Variants in OR2L13 observed in about 807,000 individuals in gnomAD.
OR2L13 encodes olfactory receptor family 2 subfamily L member 13.
Under a neutral mutation model 15.3 loss-of-function variants are expected in OR2L13, and 14 were observed. The ratio of observed to expected loss-of-function variants is 0.91; its 90% CI spans 0.60 to 1.43. OR2L13 has a LOEUF of 1.43. Among genes scored for constraint, OR2L13 ranks in the 40% most tolerant of loss-of-function variants. The pLI, the probability that OR2L13 is intolerant of heterozygous loss-of-function variation, is 0.00. For missense variants in OR2L13, 367 were observed against 387.9 expected (o/e 0.95, Z 0.45); for synonymous variants, 152 against 142.9 (o/e 1.06, Z -0.45).
chr1:247,975,683 C>A, the OR2L13 span: 2 of 889,538 alleles, frequency 2.2e-6, no homozygotes, highest in Non-Finnish European at 3.6e-6. Context: ...CCTTAGAGTC[C>A]AAGCACTAGC....
the OR2L13 span, among the ~76,000 whole-genome samples, chr1:248,087,219 A>G: frequency 6.6e-6 from 1 of 152,160 alleles, no homozygotes; most frequent in Non-Finnish European, 1.5e-5. Flanking sequence ...AAATCTTCTA[A>G]TACAAATTCA....
the OR2L13 span, chr1:248,022,022 C>T: frequency 6.2e-7 from 1 of 1,613,928 alleles, no homozygotes; most frequent in Admixed American, 1.7e-5. Context: ...TTGGCCTTTT[C>T]CTCTTCATTC....
the OR2L13 span, among the ~76,000 whole-genome samples, chr1:248,027,180 A>G: frequency 6.6e-6 from 1 of 152,200 alleles, no homozygotes; most frequent in Admixed American, 6.5e-5. Context: ...ACAGTCATAG[A>G]TAAGGGACGA....
the OR2L13 span, among the ~76,000 whole-genome samples, chr1:248,081,431 G>A: frequency 1.3e-5 from 2 of 151,968 alleles, no homozygotes; most frequent in African/African-American, 4.8e-5. Flanking sequence ...TGTATATTAG[G>A]CTTAATTTTC....
At chr1:248,082,508 GA>G in the OR2L13 span, among the ~76,000 whole-genome samples, 7 of 151,528 alleles carry the variant, frequency 4.6e-5, no homozygotes, top group Non-Finnish European at 8.8e-5. Flanking sequence ...TAAAAAAAAA[GA>G]AAAAAACATA....
chr1:248,094,691 C>T (rs931880513), upstream of OR2L13, among the ~76,000 whole-genome samples: 7 of 152,146 alleles, frequency 4.6e-5, no homozygotes, highest in African/African-American at 9.7e-5. Context: ...TCTACCCCCA[C>T]CTAACAAGTA....
the OR2L13 span, among the ~76,000 whole-genome samples, chr1:248,008,331 C>G: frequency 6.6e-6 from 1 of 152,072 alleles, no homozygotes; most frequent in South Asian, 2.1e-4. Context: ...CATTCTTTGT[C>G]TAAAAGTATA....
the OR2L13 span, among the ~76,000 whole-genome samples, chr1:248,050,061 C>G: frequency 6.6e-6 from 1 of 152,072 alleles, no homozygotes; most frequent in Non-Finnish European, 1.5e-5. Context: ...CGGAACGAAT[C>G]CTGTGACGTT....
At chr1:248,073,510 A>T in the OR2L13 span, among the ~76,000 whole-genome samples, 1 of 152,076 alleles carries the variant, frequency 6.6e-6, no homozygotes, top group Non-Finnish European at 1.5e-5. Context: ...TAGCATTAGG[A>T]GATATACCTA....
the OR2L13 span, among the ~76,000 whole-genome samples, chr1:247,952,834 C>G: frequency 2.0e-5 from 3 of 152,128 alleles, no homozygotes; most frequent in East Asian, 5.8e-4. Flanking sequence ...CTGTGATTTT[C>G]TCTGACATAC....
At chr1:248,082,055 C>T in the OR2L13 span, among the ~76,000 whole-genome samples, 2,586 of 150,948 alleles carry the variant, frequency 0.017, 76 homozygotes, top group African/African-American at 0.06. Context: ...ATGTTTATTG[C>T]GGCATTATTC....
At chr1:248,028,422 T>C in the OR2L13 span, among the ~76,000 whole-genome samples, 5 of 152,226 alleles carry the variant, frequency 3.3e-5, no homozygotes, top group African/African-American at 1.2e-4. Flanking sequence ...TAAATGGTTA[T>C]CACCTGAATT....
the OR2L13 span, among the ~76,000 whole-genome samples, chr1:248,088,138 A>G: frequency 3.3e-5 from 5 of 152,166 alleles, no homozygotes; most frequent in Admixed American, 3.3e-4. Context: ...TTTAACTATC[A>G]CGAGGTAGCA....
chr1:247,986,295 G>A, the OR2L13 span, among the ~76,000 whole-genome samples: 1 of 152,190 alleles, frequency 6.6e-6, no homozygotes, highest in South Asian at 2.1e-4. Context: ...TGTATAAGGT[G>A]TAAGGAAGGG....
chr1:247,966,144 CTT>C, the OR2L13 span: 1 of 1,614,204 alleles, frequency 6.2e-7, no homozygotes. Flanking sequence ...CAACCACTCT[CTT>C]TACCTACACA....
the OR2L13 span, among the ~76,000 whole-genome samples, chr1:247,960,253 C>T: frequency 3.9e-5 from 6 of 152,148 alleles, no homozygotes; most frequent in African/African-American, 1.2e-4. Context: ...TGCAGAACAG[C>T]GGATATTGGT....
chr1:248,072,950 G>A, the OR2L13 span, among the ~76,000 whole-genome samples: 1 of 152,148 alleles, frequency 6.6e-6, no homozygotes, highest in Non-Finnish European at 1.5e-5. Context: ...CAGTTAGAAT[G>A]GCAATCATTA....
the OR2L13 span, chr1:248,022,448 T>G: frequency 1.2e-6 from 2 of 1,614,136 alleles, no homozygotes; most frequent in African/African-American, 1.3e-5. Context: ...GTATCCCATA[T>G]TGCAAGTCCA....
At chr1:248,061,084 A>C in the OR2L13 span, 1 of 1,614,008 alleles carries the variant, frequency 6.2e-7, no homozygotes, top group Non-Finnish European at 8.5e-7. Context: ...TCCCATCCGC[A>C]TGAGCAAAAG....
Sources: gnomAD v4.1 joint callset for allele counts (sites outside exome capture counted in the v4.1 genomes callset) on GRCh38, gnomAD v4.1.1 for gene constraint, MANE v1.5 for transcripts, NCBI Gene and HGNC (gene_info 2026-07-23, HGNC 2026-07-21) for gene names.